Variants in KIF6 observed in about 807,000 individuals in gnomAD.
KIF6 encodes kinesin family member 6.
In KIF6, 106 loss-of-function variants were observed where a neutral mutation model predicts 112.7. The ratio of observed to expected loss-of-function variants is 0.94; its 90% CI spans 0.80 to 1.11. KIF6 has a LOEUF of 1.11. Ranked by LOEUF, KIF6 falls within the 50% of genes least tolerant of loss-of-function variation. The pLI is 0.00. For missense variants in KIF6, 929 were observed against 964.0 expected, an observed-to-expected ratio of 0.96 and a Z score of 0.48; for synonymous variants, 339 against 339.9, an observed-to-expected ratio of 1.00 and a Z score of 0.03.
intron 13 of KIF6, among the ~76,000 whole-genome samples, chr6:39,529,428 T>C (rs1582058914): frequency 6.6e-6 from 1 of 152,168 alleles, no homozygotes; most frequent in East Asian, 1.9e-4. Context: ...ATATCTGAAA[T>C]AGATAAGATA....
At chr6:39,658,544 C>T (rs1282952315) in intron 3 of KIF6, among the ~76,000 whole-genome samples, 1 of 152,110 alleles carries the variant, frequency 6.6e-6, no homozygotes, top group South Asian at 2.1e-4. Flanking sequence ...TATTTTCCCT[C>T]CAGATTCTCA....
intron 3 of KIF6, among the ~76,000 whole-genome samples, chr6:39,659,039 T>A (rs1191465132): frequency 6.6e-6 from 1 of 152,242 alleles, no homozygotes; most frequent in Non-Finnish European, 1.5e-5. Context: ...TTGCTCCTAA[T>A]AACTCATTCT....
chr6:39,514,771 T>TA (rs1341796415), intron 13 of KIF6, among the ~76,000 whole-genome samples: 1 of 130,780 alleles, frequency 7.6e-6, no homozygotes, highest in African/African-American at 3.7e-5. Context: ...TCAAGGCTTT[T>TA]TTTCCCCCCC....
chr6:39,507,810 C>T (rs1441209356), intron 13 of KIF6, among the ~76,000 whole-genome samples: 1 of 150,968 alleles, frequency 6.6e-6, no homozygotes, highest in African/African-American at 2.4e-5. Flanking sequence ...CCTAAAAGGC[C>T]ATCTCCTACC....
chr6:39,384,107 C>A (rs1386202197), intron 16 of KIF6, among the ~76,000 whole-genome samples: 1 of 152,202 alleles, frequency 6.6e-6, no homozygotes, highest in Non-Finnish European at 1.5e-5. Flanking sequence ...AACTTGACTT[C>A]TCTTCTGTTT....
intron 13 of KIF6, among the ~76,000 whole-genome samples, chr6:39,477,822 T>C (rs571227654): frequency 1.3e-5 from 2 of 152,128 alleles, no homozygotes; most frequent in Admixed American, 1.3e-4. Context: ...GATCATGCCA[T>C]TGCACTCCAG....
At chr6:39,654,436 C>T (rs1359389252) in intron 3 of KIF6, among the ~76,000 whole-genome samples, 1 of 152,180 alleles carries the variant, frequency 6.6e-6, no homozygotes, top group Non-Finnish European at 1.5e-5. Flanking sequence ...TCCTGTCTGT[C>T]AGGGACCTTT....
At chr6:39,684,669 A>G (rs1017346670) in intron 3 of KIF6, among the ~76,000 whole-genome samples, 6 of 151,788 alleles carry the variant, frequency 4.0e-5, no homozygotes, top group African/African-American at 1.5e-4. Flanking sequence ...AAGTGCCTGT[A>G]ATCCCAGCTA....
chr6:39,463,131 T>C (rs1019055524), intron 13 of KIF6, among the ~76,000 whole-genome samples: 3 of 152,190 alleles, frequency 2.0e-5, no homozygotes, highest in African/African-American at 7.2e-5. Context: ...AATACCTTAT[T>C]CTTCCTAAGA....
intron 15 of KIF6, among the ~76,000 whole-genome samples, chr6:39,403,219 T>C (rs186796602): frequency 3.3e-5 from 5 of 152,286 alleles, no homozygotes; most frequent in Admixed American, 2.6e-4. Flanking sequence ...CTTGGGAGCA[T>C]GTGTGTGCAT....
intron 14 of KIF6, among the ~76,000 whole-genome samples, chr6:39,423,247 T>A (rs1770508900): frequency 6.6e-6 from 1 of 152,150 alleles, no homozygotes; most frequent in Non-Finnish European, 1.5e-5. Context: ...TGGCTTCCCG[T>A]AACACCCAGC....
intron 3 of KIF6, among the ~76,000 whole-genome samples, chr6:39,650,704 T>G (rs1213268873): frequency 1.3e-5 from 2 of 152,066 alleles, no homozygotes; most frequent in Non-Finnish European, 2.9e-5. Context: ...CCACAAAATT[T>G]TATACAACAA....
Position 39,360,467 on chromosome 6 carries a change from G to A in KIF6, c.2010C>T (p.Leu670=). 6.2e-7 allele frequency: 1 copy of A among 1,613,848 alleles called. No homozygotes were observed. The change falls in exon 18 of 23, where the codon CTC becomes CTT. Residue 670 remains leucine, a synonymous_variant. Coordinates refer to ENST00000287152, the MANE Select transcript of KIF6 (RefSeq NM_145027.6). The stretch of plus-strand genomic sequence containing the variant: ...GTAGCTTCACCTTGGCTTTGTCCAT[G>A]AGCAGCTGCAAGTGCTCGATCTCCA... The part of the protein sequence containing the change: ...LKVEIEHLQL[L]MDKAKVKLQK...
At position 39,588,895 on chromosome 6, in the gene KIF6, C is replaced by G. The variant is rs373220626; in HGVS notation, c.847-2491G>C. ...CCCTTGCTTGGGAAACCACACACGCCTTGGATTAGTCTCCCTGCTTCTACT... is the reference window on the plus strand; with the variant it reads ...CCCTTGCTTGGGAAACCACACACGCGTTGGATTAGTCTCCCTGCTTCTACT... On this transcript the variant is annotated intron_variant, in intron 7 of 22. Transcript: ENST00000287152. 6.6e-5 allele frequency among the ~76,000 whole-genome samples: 10 copies of G among 152,316 alleles called. No homozygotes were observed. In the East Asian group the frequency reaches 1.5e-3, roughly 23 times the overall value.
At chr6:39,653,067 C>T (rs1025360369) in intron 3 of KIF6, among the ~76,000 whole-genome samples, 3 of 152,162 alleles carry the variant, frequency 2.0e-5, no homozygotes, top group East Asian at 1.9e-4. Flanking sequence ...ATCAATATAA[C>T]GGTTTAAGTT....
At chr6:39,528,819 T>G (rs768115135) in intron 13 of KIF6, among the ~76,000 whole-genome samples, 1 of 152,264 alleles carries the variant, frequency 6.6e-6, no homozygotes, top group Non-Finnish European at 1.5e-5. Context: ...ATAGATTCAA[T>G]GTATTCCCTA....
chr6:39,671,012 C>T (rs942285734), intron 3 of KIF6, among the ~76,000 whole-genome samples: 25 of 152,166 alleles, frequency 1.6e-4, no homozygotes, highest in African/African-American at 6.0e-4. Context: ...GTATTTTGCA[C>T]CTGTCACATA....
chr6:39,411,347 T>A (rs1407092323), intron 15 of KIF6, among the ~76,000 whole-genome samples: 1 of 152,216 alleles, frequency 6.6e-6, no homozygotes, highest in Non-Finnish European at 1.5e-5. Flanking sequence ...GCCTCAGATC[T>A]TATGATCGTA....
chr6:39,513,142 C>T (rs937915244), intron 13 of KIF6, among the ~76,000 whole-genome samples: 4 of 152,080 alleles, frequency 2.6e-5, no homozygotes, highest in Non-Finnish European at 5.9e-5. Context: ...TGGCCTTCTG[C>T]TAGTGTTCCC....
Sources: gnomAD v4.1 joint callset for allele counts (sites outside exome capture counted in the v4.1 genomes callset) on GRCh38, gnomAD v4.1.1 for gene constraint, MANE v1.5 for transcripts, NCBI Gene and HGNC (gene_info 2026-07-23, HGNC 2026-07-21) for gene names.